SCEL: variants seen among roughly 807,000 people sequenced by gnomAD.
SCEL encodes sciellin.
Under a neutral mutation model 117.6 loss-of-function variants are expected in SCEL, and 113 were observed. That is an observed-to-expected ratio of 0.96 (90% CI 0.83 to 1.12). The LOEUF (loss-of-function observed/expected upper bound fraction) is 1.12. Ranked by LOEUF, SCEL falls within the 50% of genes most tolerant of loss-of-function variation. The pLI, the probability that SCEL is intolerant of heterozygous loss-of-function variation, is 0.00. For missense variants in SCEL, 785 were observed against 810.8 expected, an observed-to-expected ratio of 0.97 and a Z score of 0.39; for synonymous variants, 270 against 256.2, an observed-to-expected ratio of 1.05 and a Z score of -0.51.
intron 1 of SCEL, among the ~76,000 whole-genome samples, chr13:77,542,414 C>CAAAA (rs1348085177): frequency 6.6e-6 from 1 of 152,054 alleles, no homozygotes; most frequent in Non-Finnish European, 1.5e-5. Context: ...AACAAACAAA[C>CAAAA]AAACAAACCC....
intron 1 of SCEL, among the ~76,000 whole-genome samples, chr13:77,554,154 G>A (rs2084512788): frequency 1.3e-5 from 2 of 152,164 alleles, no homozygotes; most frequent in Admixed American, 6.5e-5. Context: ...GAGCAAGGAT[G>A]TGCTCTCTGC....
intron 27 of SCEL, among the ~76,000 whole-genome samples, chr13:77,621,070 C>T (rs1236526729): frequency 1.3e-5 from 2 of 152,146 alleles, no homozygotes; most frequent in Non-Finnish European, 2.9e-5. Context: ...GTTCATCATA[C>T]CCACTGGTAC....
intron 9 of SCEL, among the ~76,000 whole-genome samples, chr13:77,582,416 C>T (rs931484977): frequency 1.8e-4 from 28 of 151,976 alleles, no homozygotes; most frequent in Non-Finnish European, 1.5e-4. Flanking sequence ...TTAGTAGAGA[C>T]GGGGTTTCAC....
chr13:77,587,093 C>A (rs2086607419), intron 9 of SCEL, among the ~76,000 whole-genome samples: 1 of 151,938 alleles, frequency 6.6e-6, no homozygotes, highest in South Asian at 2.1e-4. Flanking sequence ...TTCTTTCTCA[C>A]ACAGTCCTAA....
intron 28 of SCEL, 130 bp from the exon 29 acceptor site, chr13:77,634,249 T>A: frequency 1.2e-6 from 1 of 807,770 alleles, no homozygotes; most frequent in Non-Finnish European, 2.0e-6. Context: ...ACTCTAACAT[T>A]CATGTTTCAA....
chr13:77,566,195 A>T (rs982152699), intron 5 of SCEL, among the ~76,000 whole-genome samples: 5 of 152,230 alleles, frequency 3.3e-5, no homozygotes, highest in Admixed American at 6.5e-5. Context: ...GAACAATCAT[A>T]CTACAGAATC....
chr13:77,613,870 G>A (rs368168097), intron 23 of SCEL, 23 bp from the exon 24 acceptor site: 36 of 1,605,248 alleles, frequency 2.2e-5, no homozygotes, highest in Middle Eastern at 3.3e-4. Context: ...GAAATTTGCC[G>A]ATTTCCTCTA....
Position 77,602,640 on chromosome 13 carries a change from T to C in SCEL, c.978-14T>C. On this transcript the variant is annotated splice_polypyrimidine_tract_variant and intron_variant, in intron 16 of 32. Transcript: ENST00000349847. ...CTGTAACCTAACTGACAAGTTTTGG[T>C]GTTTTTTCCAAAGAAGACAAAATCT... 3 of 1,612,012 alleles carry C rather than the reference T, an allele frequency of 1.9e-6. No homozygotes were observed. Among genetic ancestry groups the C allele is most frequent in the Non-Finnish European group, 2.5e-6 (3 of 1,178,228 alleles).
intron 9 of SCEL, among the ~76,000 whole-genome samples, chr13:77,576,420 T>C (rs1165257740): frequency 6.6e-6 from 1 of 151,982 alleles, no homozygotes; most frequent in Non-Finnish European, 1.5e-5. Flanking sequence ...TAAATATTGA[T>C]GCTCCTAAAG....
At chr13:77,593,229 A>G (rs1029677706) in intron 11 of SCEL, among the ~76,000 whole-genome samples, 1 of 150,598 alleles carries the variant, frequency 6.6e-6, no homozygotes, top group African/African-American at 2.4e-5. Flanking sequence ...TAGATGGCAG[A>G]GCCAACACCC....
intron 17 of SCEL, 90 bp downstream of exon 17, chr13:77,602,803 C>T (rs2087809079): frequency 1.7e-6 from 2 of 1,146,768 alleles, no homozygotes; most frequent in Admixed American, 1.8e-5. Flanking sequence ...TGTTTGGCTT[C>T]TCTCTTCTGT....
At chr13:77,575,802 A>G (rs1401445202) in intron 9 of SCEL, among the ~76,000 whole-genome samples, 2 of 152,242 alleles carry the variant, frequency 1.3e-5, no homozygotes, top group Non-Finnish European at 2.9e-5. Context: ...CTTGCTAAGA[A>G]TGGAAATAAC....
At chr13:77,571,732 G>T (rs909379482) in intron 8 of SCEL, among the ~76,000 whole-genome samples, 22 of 132,268 alleles carry the variant, frequency 1.7e-4, no homozygotes, top group African/African-American at 6.2e-4. Flanking sequence ...TATATATATA[G>T]AGTAGAGTAT....
chr13:77,607,950 G>T (rs2088341096), intron 19 of SCEL, 106 bp from the exon 20 acceptor site: 1 of 803,980 alleles, frequency 1.2e-6, no homozygotes, highest in Admixed American at 2.6e-5. Context: ...ATCTCAATGA[G>T]TGTTTACACT....
chr13:77,587,948 C>T (rs2086655805), intron 9 of SCEL, among the ~76,000 whole-genome samples: 1 of 152,120 alleles, frequency 6.6e-6, no homozygotes, highest in African/African-American at 2.4e-5. Flanking sequence ...AGCCTCATGG[C>T]TTACTCTATT....
intron 9 of SCEL, among the ~76,000 whole-genome samples, chr13:77,581,181 C>T (rs996416302): frequency 3.3e-5 from 5 of 152,122 alleles, no homozygotes; most frequent in Admixed American, 6.5e-5. Flanking sequence ...GATTCTATGA[C>T]ACGCAATAAA....
intron 27 of SCEL, among the ~76,000 whole-genome samples, chr13:77,618,263 C>A (rs2089210223): frequency 6.6e-6 from 1 of 152,048 alleles, no homozygotes; most frequent in Admixed American, 6.6e-5. Flanking sequence ...TCACTGCAGA[C>A]TCAAAATCCT....
rs373988650 is a variant in SCEL at position 77,556,560 on chromosome 13, A to G, written c.44-36A>G. ...ACAAGCCCACGCTCAACTCCACACT[A>G]TTACATCTTCCAGTCTTTCATGTTT... On this transcript the variant is annotated intron_variant, in intron 2 of 32. Coordinates refer to ENST00000349847, the MANE Select transcript of SCEL (RefSeq NM_144777.3). 4 of 1,561,268 alleles carry G rather than the reference A, an allele frequency of 2.6e-6. No homozygotes were observed. In the African/African-American group the frequency reaches 4.1e-5, roughly 16 times the overall value.
chr13:77,542,931 G>A (rs1250897092), intron 1 of SCEL, among the ~76,000 whole-genome samples: 2 of 151,948 alleles, frequency 1.3e-5, no homozygotes, highest in East Asian at 1.9e-4. Context: ...TGATTTCCGG[G>A]AAACAAGTAG....
Sources: gnomAD v4.1 joint callset for allele counts (sites outside exome capture counted in the v4.1 genomes callset) on GRCh38, gnomAD v4.1.1 for gene constraint, MANE v1.5 for transcripts, NCBI Gene and HGNC (gene_info 2026-07-23, HGNC 2026-07-21) for gene names.